The following PPP4R3B variants were observed in gnomAD, a reference collection of about 807,000 sequenced individuals.
The protein encoded by PPP4R3B is protein phosphatase 4 regulatory subunit 3B, also known as serine/threonine-protein phosphatase 4 regulatory subunit 3B.
PPP4R3B carries 52 observed loss-of-function variants against 95.4 expected under a neutral mutation model. The observed-to-expected ratio is 0.54, with a 90% CI of 0.44 to 0.69. The LOEUF (loss-of-function observed/expected upper bound fraction) is 0.69, where lower values mean the gene tolerates loss of function less well. Ranked by LOEUF, PPP4R3B falls within the 30% of genes least tolerant of loss-of-function variation. The probability of loss-of-function intolerance (pLI) is 0.00; values close to 1 mark genes in which losing one functional copy is unlikely to be tolerated. For synonymous variants in PPP4R3B, 407 were observed against 343.9 expected (o/e 1.18, Z -2.03); for missense variants, 1,003 against 1,005.9 (o/e 1.00, Z 0.04).
At chr2:55,581,798 G>C (rs1558994172) in intron 7 of PPP4R3B, 100 bp from the exon 8 acceptor site, 2 of 1,261,862 alleles carry the variant, frequency 1.6e-6, no homozygotes, top group South Asian at 1.7e-5. Flanking sequence ...GAATTATATA[G>C]AGAAAAAACG....
intron 4 of PPP4R3B, among the ~76,000 whole-genome samples, chr2:55,589,788 C>T (rs865869871): frequency 1.3e-4 from 20 of 150,488 alleles, no homozygotes; most frequent in Admixed American, 2.6e-4. Context: ...TGGTGGTGGG[C>T]GCCTGTAGTG....
intron 2 of PPP4R3B, among the ~76,000 whole-genome samples, chr2:55,612,573 T>C (rs1694316010): frequency 6.6e-6 from 1 of 151,900 alleles, no homozygotes; most frequent in Admixed American, 6.6e-5. Flanking sequence ...ACAACAAAGT[T>C]TTGTAATAAA....
At chr2:55,577,108 T>C (rs527277274) in intron 11 of PPP4R3B, among the ~76,000 whole-genome samples, 13 of 152,208 alleles carry the variant, frequency 8.5e-5, no homozygotes, top group South Asian at 2.1e-4. Flanking sequence ...GAAAACAAGC[T>C]ATAAATTTTC....
rs1684844562 is a variant in PPP4R3B, at chr2:55,547,408, T to C, written c.*2503A>G. The C allele has an allele frequency of 6.6e-6, 1 of 152,150 alleles. No individual in the cohort carries two copies. Among genetic ancestry groups the C allele is most frequent in the African/African-American group, 2.4e-5 (1 of 41,424 alleles). The allele number at this position is 152,150 out of a possible 1,614,324, so 9.4% of individuals were successfully genotyped here. A position where few individuals can be genotyped will look rare whatever the true frequency, so the allele number is the denominator to read the frequency against. The stretch of plus-strand genomic sequence containing the variant: ...TGGGCTTTTGGCTTGCTTCACTGAA[T>C]GAAGATAAAGATATAAAAACCCAGA... On this transcript the variant is annotated 3_prime_UTR_variant, in exon 17 of 17. Transcript: ENST00000616407.
At chr2:55,570,532 A>G (rs535931255) in intron 12 of PPP4R3B, among the ~76,000 whole-genome samples, 2 of 152,352 alleles carry the variant, frequency 1.3e-5, no homozygotes, top group South Asian at 4.1e-4. Flanking sequence ...AGGAAGGACT[A>G]TAATTTCAAT....
chr2:55,568,834 G>C (rs1167060828), intron 12 of PPP4R3B, among the ~76,000 whole-genome samples: 1 of 152,210 alleles, frequency 6.6e-6, no homozygotes, highest in East Asian at 1.9e-4. Context: ...CATGAGCTAA[G>C]ATTGCCTTGC....
chr2:55,580,392 C>T lies in PPP4R3B; in HGVS notation c.1366-611G>A, dbSNP rs142550196. Among the ~76,000 whole-genome samples the T allele has an allele frequency of 8.5e-4, 129 of 152,108 alleles. 1 individual carries two copies. Among genetic ancestry groups the T allele is most frequent in the African/African-American group, 2.8e-3 (115 of 41,510 alleles). The stretch of plus-strand genomic sequence containing the variant: ...TATTGAGTTTTTCCCAAGAAAGTAA[C>T]AAAGAAAGAAAATTCTCTCAACTTT... On this transcript the variant is annotated intron_variant, in intron 8 of 16. Coordinates refer to ENST00000616407, the MANE Select transcript of PPP4R3B (RefSeq NM_001122964.3).
chr2:55,602,181 T>C (rs1295790556), intron 3 of PPP4R3B, among the ~76,000 whole-genome samples: 1 of 152,206 alleles, frequency 6.6e-6, no homozygotes, highest in Non-Finnish European at 1.5e-5. Flanking sequence ...AAGTTAGTTG[T>C]TTCTTTAAAC....
intron 16 of PPP4R3B, among the ~76,000 whole-genome samples, chr2:55,552,433 G>A (rs1368509685): frequency 6.6e-6 from 1 of 151,960 alleles, no homozygotes; most frequent in East Asian, 1.9e-4. Flanking sequence ...TTGCTCTGTC[G>A]CCTGAGCTAG....
chr2:55,549,900 T>TA lies in PPP4R3B; in HGVS notation c.*10dup, dbSNP rs769182277. 2 of 1,598,170 alleles carry TA rather than the reference T, an allele frequency of 1.3e-6. No homozygotes were observed. The highest frequency in any genetic ancestry group is 1.7e-6 in the Non-Finnish European group (2 of 1,165,714). ...GTAAGACCACATGTTGAGGGTCCCC[T>TA]AATAAATATTTTATGAGCCAAGACG... On this transcript the variant is annotated 3_prime_UTR_variant, in exon 17 of 17. Transcript: ENST00000616407.
At chr2:55,589,598 T>C (rs940224987) in intron 4 of PPP4R3B, among the ~76,000 whole-genome samples, 3 of 152,084 alleles carry the variant, frequency 2.0e-5, no homozygotes, top group Non-Finnish European at 2.9e-5. Context: ...TCTACAGGCG[T>C]TGTCTAAAAG....
chr2:55,558,994 G>A (rs376077487), intron 15 of PPP4R3B, 26 bp from the exon 16 acceptor site: 28 of 1,566,290 alleles, frequency 1.8e-5, no homozygotes, highest in Middle Eastern at 1.8e-4. Flanking sequence ...AATTTTGAAC[G>A]TATATCAATA....
intron 7 of PPP4R3B, among the ~76,000 whole-genome samples, chr2:55,584,688 T>C (rs1474358262): frequency 6.6e-6 from 1 of 152,224 alleles, no homozygotes; most frequent in Non-Finnish European, 1.5e-5. Flanking sequence ...ACTTAAAACA[T>C]ATTTTTTGAA....
At chr2:55,566,332 G>T (rs969152753) in intron 13 of PPP4R3B, among the ~76,000 whole-genome samples, 5 of 152,078 alleles carry the variant, frequency 3.3e-5, no homozygotes, top group African/African-American at 1.2e-4. Context: ...TACACAAATC[G>T]ACCACTCGAA....
chr2:55,564,202 A>C (rs934078421), intron 15 of PPP4R3B, 111 bp downstream of exon 15: 14 of 841,974 alleles, frequency 1.7e-5, no homozygotes, highest in Middle Eastern at 3.5e-4. Flanking sequence ...TTTGGTATAA[A>C]ATTTTTGTCT....
At chr2:55,615,872 A>AAAAAAAAAAAAAAC in intron 1 of PPP4R3B, among the ~76,000 whole-genome samples, 1 of 148,666 alleles carries the variant, frequency 6.7e-6, no homozygotes, top group African/African-American at 2.5e-5. Context: ...AAAAAAAAAA[A>AAAAAAAAAAAAAAC]AAAAAAAAAA....
chr2:55,564,238 A>G, intron 15 of PPP4R3B, 75 bp downstream of exon 15: 7 of 1,320,554 alleles, frequency 5.3e-6, no homozygotes, highest in Non-Finnish European at 6.1e-6. Flanking sequence ...CTATAAACAA[A>G]CCTTCACAAA....
At chr2:55,598,274 T>C (rs1279635360) in intron 4 of PPP4R3B, 142 bp downstream of exon 4, 3 of 859,220 alleles carry the variant, frequency 3.5e-6, no homozygotes, top group South Asian at 2.0e-5. Flanking sequence ...TCCCAATTTC[T>C]TTTGTTTACT....
Position 55,617,324 on chromosome 2 carries a change from C to T in PPP4R3B, c.-39G>A, listed in dbSNP as rs201274441. On this transcript the variant is annotated 5_prime_UTR_variant, in exon 1 of 17. Transcript: ENST00000616407. ...TCCACCGCTCTAGCCGCCGCCTCCT[C>T]GCTTACCTCGTCCGCGCTCCTCACT... 3.9e-6 allele frequency: 6 copies of T among 1,541,822 alleles called. No homozygotes were observed. The highest frequency in any genetic ancestry group is 4.4e-6 in the Non-Finnish European group (5 of 1,139,128).
Sources: allele counts gnomAD v4.1 joint callset (sites outside exome capture counted in the v4.1 genomes callset), GRCh38; gene constraint gnomAD v4.1.1; transcripts MANE v1.5; gene names NCBI Gene and HGNC (gene_info 2026-07-23, HGNC 2026-07-21).